Variants in JAKMIP2 observed in about 807,000 individuals in gnomAD.
JAKMIP2 encodes the protein janus kinase and microtubule-interacting protein 2.
A neutral mutation model predicts 115.0 loss-of-function variants in JAKMIP2; 25 were observed. The observed-to-expected ratio is 0.22, with a 90% confidence interval of 0.16 to 0.30. The LOEUF (loss-of-function observed/expected upper bound fraction) is 0.30. Among genes scored for constraint, JAKMIP2 ranks in the 10% least tolerant of loss-of-function variants. The pLI is 1.00. For missense variants in JAKMIP2, 642 were observed against 957.6 expected, an observed-to-expected ratio of 0.67 and a Z score of 4.35; for synonymous variants, 334 against 343.6, an observed-to-expected ratio of 0.97 and a Z score of 0.31.
intron 1 of JAKMIP2, among the ~76,000 whole-genome samples, chr5:147,722,413 G>A (rs927747674): frequency 6.6e-5 from 10 of 151,914 alleles, no homozygotes; most frequent in Admixed American, 3.3e-4. Context: ...TGCTTTGCAC[G>A]TGTGAGGTAC....
chr5:147,656,123 T>C (rs1461878927), intron 3 of JAKMIP2, among the ~76,000 whole-genome samples: 2 of 152,214 alleles, frequency 1.3e-5, no homozygotes, highest in Non-Finnish European at 2.9e-5. Flanking sequence ...ATTATGTGGT[T>C]GATTTTAGAA....
rs1753699808 is a variant in JAKMIP2 at position 147,730,755 on chromosome 5, A to G, written c.-149+51701T>C. Among the ~76,000 whole-genome samples the G allele has an allele frequency of 2.0e-5, 3 of 152,032 alleles. No individual in the cohort carries two copies. The South Asian group carries it at 6.2e-4, about 31-fold the overall frequency. On this transcript the variant is annotated intron_variant, in intron 1 of 21. Coordinates refer to ENST00000616793, the MANE Select transcript of JAKMIP2 (RefSeq NM_001270941.2). Reference sequence around the variant, plus strand: ...AGGTGTGAGCCACCACACCCAGCCCATCCTGCCCTATCTTAAGCCAGAATC... The same window carrying G: ...AGGTGTGAGCCACCACACCCAGCCCGTCCTGCCCTATCTTAAGCCAGAATC...
At chr5:147,641,640 A>T in intron 8 of JAKMIP2, 68 bp downstream of exon 8, 1 of 1,108,648 alleles carries the variant, frequency 9.0e-7, no homozygotes, top group South Asian at 1.3e-5. Context: ...TTGTAGGAAG[A>T]TTCCATGCCA....
intron 16 of JAKMIP2, among the ~76,000 whole-genome samples, chr5:147,625,772 C>T (rs766604219): frequency 6.6e-6 from 1 of 152,098 alleles, no homozygotes; most frequent in Non-Finnish European, 1.5e-5. Context: ...CCCCAATGTA[C>T]ATTATTTGGG....
chr5:147,653,137 T>A (rs1581359425), intron 3 of JAKMIP2, among the ~76,000 whole-genome samples: 7 of 152,246 alleles, frequency 4.6e-5, no homozygotes, highest in Admixed American at 3.9e-4. Context: ...TGGTTCCATG[T>A]CTTTGCTATT....
At chr5:147,751,956 G>A (rs377018700) in intron 1 of JAKMIP2, among the ~76,000 whole-genome samples, 2 of 152,056 alleles carry the variant, frequency 1.3e-5, no homozygotes, top group East Asian at 1.9e-4. Context: ...AAAGTCTGCC[G>A]TCAGCTTATA....
chr5:147,699,062 C>T (rs1202177302), intron 1 of JAKMIP2, among the ~76,000 whole-genome samples: 1 of 152,238 alleles, frequency 6.6e-6, no homozygotes, highest in African/African-American at 2.4e-5. Flanking sequence ...CTCTTCTATC[C>T]CCCAGGCCTT....
intron 10 of JAKMIP2, 121 bp from the exon 11 acceptor site, chr5:147,637,169 G>T (rs1757653863): frequency 2.9e-6 from 2 of 682,046 alleles, no homozygotes; most frequent in Non-Finnish European, 5.2e-6. Flanking sequence ...TATGACAAAA[G>T]AATCTTTCTG....
At chr5:147,628,033 T>C (rs1279410990) in intron 16 of JAKMIP2, among the ~76,000 whole-genome samples, 5 of 151,180 alleles carry the variant, frequency 3.3e-5, no homozygotes, top group Non-Finnish European at 5.9e-5. Flanking sequence ...TTAAAGGAGA[T>C]GGAGTCTCAC....
rs1755029563 is a variant in JAKMIP2, at chr5:147,589,821, A to G, written c.*1886T>C. On this transcript the variant is annotated 3_prime_UTR_variant, in exon 22 of 22. Coordinates refer to ENST00000616793, the MANE Select transcript of JAKMIP2 (RefSeq NM_001270941.2). ...GCAAGCTTCAGTGCTATAGTGCTTA[A>G]ATTTAACCAAACTGAAGCACTATTT... 6.6e-6 allele frequency: 1 copy of G among 152,226 alleles called. No individual in the cohort carries two copies. The highest frequency in any genetic ancestry group is 6.5e-5 in the Admixed American group (1 of 15,278). 9.4% of individuals were successfully genotyped at this position (152,226 alleles called of 1,614,324 possible).
chr5:147,721,529 A>C (rs1207608571), intron 1 of JAKMIP2, among the ~76,000 whole-genome samples: 2 of 152,148 alleles, frequency 1.3e-5, no homozygotes, highest in African/African-American at 2.4e-5. Flanking sequence ...CCTCCGAGCC[A>C]GGTGCGGGGT....
At chr5:147,737,851 G>A (rs943232764) in intron 1 of JAKMIP2, among the ~76,000 whole-genome samples, 4 of 152,110 alleles carry the variant, frequency 2.6e-5, no homozygotes, top group South Asian at 2.1e-4. Context: ...TTTACAGAAC[G>A]TTAGATTTAA....
At chr5:147,777,536 C>A (rs904018452) in intron 1 of JAKMIP2, among the ~76,000 whole-genome samples, 3 of 152,084 alleles carry the variant, frequency 2.0e-5, no homozygotes, top group Non-Finnish European at 4.4e-5. Flanking sequence ...GTAATGATTT[C>A]TTGATGGTAG....
chr5:147,628,878 ACTGT>A, intron 15 of JAKMIP2, 62 bp from the exon 16 acceptor site: 1 of 1,184,142 alleles, frequency 8.4e-7, no homozygotes, highest in Non-Finnish European at 1.2e-6. Context: ...CAAAGAAAAT[ACTGT>A]CTGACTGACT....
At chr5:147,696,691 C>G (rs752932843) in intron 1 of JAKMIP2, among the ~76,000 whole-genome samples, 1 of 152,126 alleles carries the variant, frequency 6.6e-6, no homozygotes, top group Non-Finnish European at 1.5e-5. Context: ...TCAGACAAGA[C>G]AGGAAAATAT....
intron 1 of JAKMIP2, among the ~76,000 whole-genome samples, chr5:147,778,102 GA>G (rs925041628): frequency 4.6e-5 from 7 of 151,604 alleles, no homozygotes; most frequent in Non-Finnish European, 1.0e-4. Context: ...CCTAAACACG[GA>G]AAAAAATGGT....
chr5:147,736,366 T>C (rs1753923665), intron 1 of JAKMIP2, among the ~76,000 whole-genome samples: 1 of 151,630 alleles, frequency 6.6e-6, no homozygotes, highest in Admixed American at 6.6e-5. Context: ...GAGGCTGAGG[T>C]AAAACTGCTT....
At chr5:147,760,462 T>G (rs902477573) in intron 1 of JAKMIP2, among the ~76,000 whole-genome samples, 1 of 149,476 alleles carries the variant, frequency 6.7e-6, no homozygotes, top group Non-Finnish European at 1.5e-5. Context: ...GGGAAAGCCA[T>G]TAATAAGAAA....
chr5:147,655,944 G>GTAGTGGTAAATGAC (rs1758653050), intron 3 of JAKMIP2, among the ~76,000 whole-genome samples: 1 of 152,026 alleles, frequency 6.6e-6, no homozygotes, highest in African/African-American at 2.4e-5. Flanking sequence ...CCTTAATTTT[G>GTAGTGGTAAATGAC]TTATTTACCC....
Sources: allele counts gnomAD v4.1 joint callset (sites outside exome capture counted in the v4.1 genomes callset), GRCh38; gene constraint gnomAD v4.1.1; transcripts MANE v1.5; gene names NCBI Gene and HGNC (gene_info 2026-07-23, HGNC 2026-07-21).